The following CLMN variants were observed in gnomAD, a reference collection of about 807,000 sequenced individuals.
The protein encoded by CLMN is calmin, also known as calmin (calponin-like, transmembrane).
Under a neutral mutation model 92.7 loss-of-function variants are expected in CLMN, and 57 were observed. The observed-to-expected ratio is 0.61, with a 90% CI of 0.50 to 0.77. The LOEUF (loss-of-function observed/expected upper bound fraction) is 0.77, where lower values mean the gene tolerates loss of function less well. Ranked by LOEUF, CLMN falls within the 30% of genes least tolerant of loss-of-function variation. The probability of loss-of-function intolerance (pLI) is 0.00; values close to 1 mark genes in which losing one functional copy is unlikely to be tolerated. For missense variants in CLMN, 1,158 were observed against 1,237.5 expected (o/e 0.94, Z 0.96); for synonymous variants, 466 against 470.6 (o/e 0.99, Z 0.13).
chr14:95,234,809 C>T (rs1443754410), intron 1 of CLMN, among the ~76,000 whole-genome samples: 1 of 152,210 alleles, frequency 6.6e-6, no homozygotes, highest in African/African-American at 2.4e-5. Context: ...CCTCTCTTCT[C>T]CAGGCTGTCC....
intron 1 of CLMN, among the ~76,000 whole-genome samples, chr14:95,258,315 G>A (rs1899091781): frequency 6.7e-6 from 1 of 149,942 alleles, no homozygotes; most frequent in Non-Finnish European, 1.5e-5. Flanking sequence ...GTGTGTGTGT[G>A]GGGTGTGTGT....
intron 1 of CLMN, among the ~76,000 whole-genome samples, chr14:95,274,676 C>T (rs1301417193): frequency 6.6e-6 from 1 of 152,164 alleles, no homozygotes; most frequent in African/African-American, 2.4e-5. Flanking sequence ...GTGTGTCTTG[C>T]AGTATTATTA....
intron 9 of CLMN, among the ~76,000 whole-genome samples, chr14:95,198,187 T>G (rs1203304115): frequency 1.3e-5 from 2 of 151,560 alleles, no homozygotes; most frequent in Admixed American, 1.3e-4. Context: ...GTAGCTGGGA[T>G]TACAGGCACC....
intron 7 of CLMN, 103 bp from the exon 8 acceptor site, chr14:95,209,580 T>A: frequency 1.1e-6 from 1 of 920,160 alleles, no homozygotes; most frequent in Non-Finnish European, 1.8e-6. Flanking sequence ...TTATTGAAGG[T>A]TTTTTCTCTT....
intron 1 of CLMN, among the ~76,000 whole-genome samples, chr14:95,291,479 C>T (rs1053942555): frequency 1.3e-5 from 2 of 152,202 alleles, no homozygotes; most frequent in African/African-American, 4.8e-5. Flanking sequence ...TTCTCATCCC[C>T]AGAGCTCCAG....
Position 95,242,574 on chromosome 14 carries a change from C to CTTTCTTTTTTTT in CLMN, c.83-12442_83-12441insAAAAAAAAGAAA, listed in dbSNP as rs749024477. The stretch of plus-strand genomic sequence containing the variant: ...CATGCCCAGCCTGGCATCTCTTTTT[C>CTTTCTTTTTTTT]TTTTTTTTTGAGACGGAGTCTCGCT... On this transcript the variant is annotated intron_variant, in intron 1 of 12. Transcript: ENST00000298912. Among the ~76,000 whole-genome samples the CTTTCTTTTTTTT allele has an allele frequency of 7.8e-4, 93 of 119,904 alleles. 7 individuals carry two copies. Among genetic ancestry groups the CTTTCTTTTTTTT allele is most frequent in the African/African-American group, 2.8e-3 (89 of 32,356 alleles). 78.7% of individuals were successfully genotyped at this position (119,904 alleles called of 152,430 possible).
Position 95,233,567 on chromosome 14 carries a change from T to C in CLMN, c.83-3434A>G, listed in dbSNP as rs546378661. On this transcript the variant is annotated intron_variant, in intron 1 of 12. Transcript: ENST00000298912. Reference sequence around the variant, plus strand: ...AAAACCAGAGATGAAGAATTAAGCATTCATGGAATCTGCACTCCAAGAATT... The same window carrying C: ...AAAACCAGAGATGAAGAATTAAGCACTCATGGAATCTGCACTCCAAGAATT... Among the ~76,000 whole-genome samples, 8 of 152,278 alleles carry C rather than the reference T, an allele frequency of 5.3e-5. No individual in the cohort carries two copies. The East Asian group carries it at 1.5e-3, about 29-fold the overall frequency.
chr14:95,270,106 G>C (rs986089312), intron 1 of CLMN, among the ~76,000 whole-genome samples: 1 of 152,196 alleles, frequency 6.6e-6, no homozygotes, highest in African/African-American at 2.4e-5. Context: ...CCAGGGCCAG[G>C]ACTCGGGCAC....
intron 1 of CLMN, among the ~76,000 whole-genome samples, chr14:95,250,625 G>A (rs963932586): frequency 1.3e-5 from 2 of 152,200 alleles, no homozygotes; most frequent in Admixed American, 6.5e-5. Context: ...AAATATTGGC[G>A]GCTGAGCCAA....
At chr14:95,276,713 T>C (rs967918803) in intron 1 of CLMN, among the ~76,000 whole-genome samples, 1 of 152,188 alleles carries the variant, frequency 6.6e-6, no homozygotes, top group African/African-American at 2.4e-5. Context: ...TGGAGGTCAC[T>C]GCACCCCACT....
At position 95,202,875 on chromosome 14, in the gene CLMN, C is replaced by G; in HGVS notation, c.2474G>C (p.Arg825Thr). The change falls in exon 9 of 13, where the codon AGG becomes ACG. Residue 825 changes from arginine (R) to threonine (T), a missense_variant. Arg to Thr is a moderately conservative substitution (Grantham distance 71, BLOSUM62 -1). Coordinates refer to ENST00000298912, the MANE Select transcript of CLMN (RefSeq NM_024734.4). ...CATGGGGTCATTCTCTTTGGTCTCC[C>G]TTTGCTGGTGGTCCTCATGGGGGGC... ...PLAPHEDHQQ[R>T]ETKENDPMDS... 1 of 1,558,834 alleles carries G rather than the reference C, an allele frequency of 6.4e-7. No individual in the cohort carries two copies. The highest frequency in any genetic ancestry group is 8.6e-7 in the Non-Finnish European group (1 of 1,157,412).
chr14:95,196,782 C>T, intron 9 of CLMN, 88 bp from the exon 10 acceptor site: 5 of 1,270,116 alleles, frequency 3.9e-6, no homozygotes, highest in Non-Finnish European at 5.5e-6. Flanking sequence ...CTGCCCAGGC[C>T]CAGCCAGGGC....
chr14:95,210,665 G>A, intron 7 of CLMN, 21 bp downstream of exon 7: 2 of 1,594,080 alleles, frequency 1.3e-6, no homozygotes, highest in South Asian at 1.1e-5. Context: ...TTATTAGAAA[G>A]AAAGAGAGAA....
rs981965216 is a variant in CLMN at position 95,259,324 on chromosome 14, C to T, written c.83-29191G>A. 6.6e-6 allele frequency among the ~76,000 whole-genome samples: 1 copy of T among 152,056 alleles called. No homozygotes were observed. ...TGGTTGGGAGATGCGACAGAGCTGA[C>T]AGCAGGCTGGACCCTGGCCGTCCAC... On this transcript the variant is annotated intron_variant, in intron 1 of 12. Transcript: ENST00000298912. The surrounding 1 kb of genome is among the most constrained non-coding windows in gnomAD (Gnocchi z 4.3).
chr14:95,194,163 G>A lies in CLMN; in HGVS notation c.2770-244C>T. ...CCCGGAACCCGGATTGGGGTGTGCTGCTCCGGGTTCTAACACATCTGCTAC... is the reference window on the plus strand; with the variant it reads ...CCCGGAACCCGGATTGGGGTGTGCTACTCCGGGTTCTAACACATCTGCTAC... On this transcript the variant is annotated intron_variant, in intron 11 of 12. Transcript: ENST00000298912. The surrounding 1 kb of genome is among the most constrained non-coding windows in gnomAD (Gnocchi z 4.0). 4 of 1,406,904 alleles carry A rather than the reference G, an allele frequency of 2.8e-6. No individual in the cohort carries two copies. The highest frequency in any genetic ancestry group is 3.2e-5 in the South Asian group (2 of 61,936). The allele number at this position is 1,406,904 out of a possible 1,614,324, so 87.2% of individuals were successfully genotyped here.
intron 1 of CLMN, among the ~76,000 whole-genome samples, chr14:95,233,142 A>T (rs181189631): frequency 1.3e-5 from 2 of 152,356 alleles, no homozygotes; most frequent in Admixed American, 1.3e-4. Flanking sequence ...TCAAACACTC[A>T]GGCTGGTTTC....
rs1478993847 is a variant in CLMN at position 95,203,739 on chromosome 14, G to A, written c.1610C>T (p.Ser537Phe). The A allele has an allele frequency of 6.2e-7, 1 of 1,614,102 alleles. No homozygotes were observed. Among genetic ancestry groups the A allele is most frequent in the Non-Finnish European group, 8.5e-7 (1 of 1,180,014 alleles). ...CATCAGGTTAACCTTGATCTGGAAG[G>A]AATCGGCCATCACAGTATTTTCTCC... is the stretch of plus-strand genomic sequence containing the variant. ...PPGENTVMAD[S>F]FQIKVNLMTV... Residue 537 changes from serine (S) to phenylalanine (F), a missense_variant, in exon 9 of 13, where the codon TCC (serine) becomes TTC (phenylalanine). Transcript: ENST00000298912.
intron 6 of CLMN, among the ~76,000 whole-genome samples, chr14:95,212,487 C>T (rs1021426979): frequency 1.3e-5 from 2 of 152,224 alleles, no homozygotes; most frequent in Non-Finnish European, 2.9e-5. Context: ...GAAACAGGGC[C>T]GGAACTTGGC....
intron 1 of CLMN, among the ~76,000 whole-genome samples, chr14:95,285,745 G>A (rs138737711): frequency 2.0e-5 from 3 of 152,268 alleles, no homozygotes; most frequent in South Asian, 2.1e-4. Flanking sequence ...TCCAGGATGA[G>A]GTGGACTTTT....
Sources: allele counts gnomAD v4.1 joint callset (sites outside exome capture counted in the v4.1 genomes callset), GRCh38; gene constraint gnomAD v4.1.1; non-coding constraint Gnocchi (gnomAD v3.1); transcripts MANE v1.5; gene names NCBI Gene and HGNC (gene_info 2026-07-23, HGNC 2026-07-21).